The following CCDC178 variants were observed in gnomAD, a reference collection of about 807,000 sequenced individuals.
CCDC178 encodes the protein coiled-coil domain containing 178.
CCDC178 carries 126 observed loss-of-function variants against 117.4 expected under a neutral mutation model. That is an observed-to-expected ratio of 1.07 (90% CI 0.93 to 1.24). The LOEUF is 1.24. Ranked by LOEUF, CCDC178 falls within the 50% of genes most tolerant of loss-of-function variation. The pLI is 0.00. For missense variants in CCDC178, 1,030 were observed against 986.9 expected (o/e 1.04, Z -0.59); for synonymous variants, 283 against 313.4 (o/e 0.90, Z 1.02).
At chr18:33,420,990 A>G (rs1316448590) in intron 2 of CCDC178, among the ~76,000 whole-genome samples, 8 of 152,214 alleles carry the variant, frequency 5.3e-5, no homozygotes, top group Non-Finnish European at 5.9e-5. Context: ...CATGTGGAAT[A>G]CAACCAGAGA....
At chr18:32,998,335 A>G (rs1388447282) in intron 21 of CCDC178, among the ~76,000 whole-genome samples, 1 of 152,182 alleles carries the variant, frequency 6.6e-6, no homozygotes, top group Admixed American at 6.5e-5. Context: ...CCCGAGTTCC[A>G]GCAAGCCTCG....
intron 21 of CCDC178, among the ~76,000 whole-genome samples, chr18:33,088,934 C>A (rs556960723): frequency 6.6e-6 from 1 of 152,100 alleles, no homozygotes; most frequent in Non-Finnish European, 1.5e-5. Context: ...CTCTGGCCTC[C>A]CTAAGATTCT....
intron 2 of CCDC178, among the ~76,000 whole-genome samples, chr18:33,417,208 T>C (rs191835201): frequency 4.0e-4 from 61 of 152,252 alleles, no homozygotes; most frequent in Middle Eastern, 3.4e-3. Context: ...TCTCAGTGGG[T>C]GAATGGCTAA....
At position 33,268,903 on chromosome 18, in the gene CCDC178, C is replaced by T. The variant is rs952027078; in HGVS notation, c.1177-1606G>A. Among the ~76,000 whole-genome samples the T allele has an allele frequency of 3.3e-5, 5 of 151,796 alleles. No individual in the cohort carries two copies. In the South Asian group the frequency reaches 6.2e-4, roughly 19 times the overall value. Reference sequence around the variant, plus strand: ...ACTGATTTAATAAAAACAGTCTAAACTTAGTAAGAAGAGTGCACTTTGTGG... The same window carrying T: ...ACTGATTTAATAAAAACAGTCTAAATTTAGTAAGAAGAGTGCACTTTGTGG... On this transcript the variant is annotated intron_variant, in intron 12 of 22. Coordinates refer to ENST00000383096, the MANE Select transcript of CCDC178 (RefSeq NM_001105528.4).
At chr18:32,945,073 G>A (rs1303374587) in intron 22 of CCDC178, among the ~76,000 whole-genome samples, 4 of 152,044 alleles carry the variant, frequency 2.6e-5, no homozygotes, top group Non-Finnish European at 4.4e-5. Context: ...TTTACTCATT[G>A]TTTGTGAATT....
intron 20 of CCDC178, among the ~76,000 whole-genome samples, chr18:33,094,664 T>C (rs911092873): frequency 9.2e-5 from 14 of 151,952 alleles, no homozygotes; most frequent in African/African-American, 3.4e-4. Context: ...TTTTATAATA[T>C]ATACTTTGCT....
At chr18:33,380,776 T>C (rs2063430168) in intron 5 of CCDC178, among the ~76,000 whole-genome samples, 1 of 152,254 alleles carries the variant, frequency 6.6e-6, no homozygotes, top group African/African-American at 2.4e-5. Context: ...CTTTATGCAC[T>C]ATCTTGCTTT....
chr18:33,160,130 T>C (rs2058444782), intron 20 of CCDC178, among the ~76,000 whole-genome samples: 1 of 152,278 alleles, frequency 6.6e-6, no homozygotes, highest in East Asian at 1.9e-4. Context: ...TCCATGTTTC[T>C]GTACAATTGA....
Position 33,302,864 on chromosome 18 carries a change from T to C in CCDC178, c.1023-9552A>G, listed in dbSNP as rs773693870. Among the ~76,000 whole-genome samples, 14 of 152,026 alleles carry C rather than the reference T, an allele frequency of 9.2e-5. 1 individual carries two copies. Among genetic ancestry groups the C allele is most frequent in the Non-Finnish European group, 1.8e-4 (12 of 67,990 alleles). ...AGAGGATATTAAAGGCTGGGAAATG[T>C]AGGAGAAAGGGGGGATAGACAGAGA... On this transcript the variant is annotated intron_variant, in intron 11 of 22. Coordinates refer to ENST00000383096, the MANE Select transcript of CCDC178 (RefSeq NM_001105528.4).
chr18:33,245,017 T>C (rs189259814), intron 15 of CCDC178, among the ~76,000 whole-genome samples: 2 of 152,048 alleles, frequency 1.3e-5, no homozygotes, highest in African/African-American at 2.4e-5. Flanking sequence ...TGGTTGATAA[T>C]AGCAAAAAGT....
At chr18:33,040,903 G>C (rs1007807877) in intron 21 of CCDC178, among the ~76,000 whole-genome samples, 4 of 151,908 alleles carry the variant, frequency 2.6e-5, no homozygotes, top group Non-Finnish European at 5.9e-5. Context: ...TGAGCATCGA[G>C]TATATGCAAT....
intron 11 of CCDC178, among the ~76,000 whole-genome samples, chr18:33,294,176 C>G (rs1906012621): frequency 6.6e-6 from 1 of 152,168 alleles, no homozygotes; most frequent in African/African-American, 2.4e-5. Context: ...AATCCTTTAT[C>G]TAATCTAGCA....
Position 33,348,939 on chromosome 18 carries a change from A to G in CCDC178, c.408T>C (p.Asp136=), listed in dbSNP as rs1470357412. ...RTSSTKDLKE[D]WSVTTPVKEV... is the part of the protein sequence containing the mutation. The stretch of plus-strand genomic sequence containing the variant: ...CTTTCACTGGTGTAGTTACACTCCA[A>G]TCTTCTTTCAGGTCTTTTGTGGAAG... The change falls in exon 8 of 23, where the codon GAT becomes GAC. Residue 136 remains aspartate (D), a synonymous_variant. Coordinates refer to ENST00000383096, the MANE Select transcript of CCDC178 (RefSeq NM_001105528.4). 1.3e-5 allele frequency: 21 copies of G among 1,610,094 alleles called. No individual in the cohort carries two copies. The highest frequency in any genetic ancestry group is 1.7e-5 in the Non-Finnish European group (20 of 1,178,002).
At chr18:33,319,232 C>T (rs1020405615) in intron 11 of CCDC178, among the ~76,000 whole-genome samples, 4 of 151,838 alleles carry the variant, frequency 2.6e-5, no homozygotes, top group African/African-American at 7.3e-5. Flanking sequence ...TGATGTTCCC[C>T]TTCCTGTGTC....
At chr18:33,213,906 C>T (rs2059135198) in intron 19 of CCDC178, among the ~76,000 whole-genome samples, 1 of 152,090 alleles carries the variant, frequency 6.6e-6, no homozygotes, top group African/African-American at 2.4e-5. Flanking sequence ...GATACACTTT[C>T]CCACTTGCCA....
chr18:33,106,844 T>C (rs2057712693), intron 20 of CCDC178, among the ~76,000 whole-genome samples: 1 of 151,652 alleles, frequency 6.6e-6, no homozygotes. Flanking sequence ...TGTATGGGAA[T>C]TGAGATCCGT....
chr18:33,241,341 G>C (rs1349583700), intron 15 of CCDC178, among the ~76,000 whole-genome samples: 2 of 151,596 alleles, frequency 1.3e-5, no homozygotes, highest in Non-Finnish European at 3.0e-5. Flanking sequence ...AGAAGTCCTA[G>C]TCAGAGCAAT....
chr18:33,182,505 T>A (rs980511783), intron 20 of CCDC178, among the ~76,000 whole-genome samples: 1 of 151,978 alleles, frequency 6.6e-6, no homozygotes, highest in Non-Finnish European at 1.5e-5. Context: ...TCACTCTTTA[T>A]ATTGTGTGCT....
chr18:33,241,429 C>CGT (rs60878431), intron 15 of CCDC178, among the ~76,000 whole-genome samples: 3,023 of 144,982 alleles, frequency 0.021, 84 homozygotes, highest in African/African-American at 0.067. Context: ...ATTATATGAT[C>CGT]GTGTGTGTGT....
Sources: allele counts gnomAD v4.1 joint callset (sites outside exome capture counted in the v4.1 genomes callset), GRCh38; gene constraint gnomAD v4.1.1; transcripts MANE v1.5; gene names NCBI Gene and HGNC (gene_info 2026-07-23, HGNC 2026-07-21).